The following TENM3 variants were observed in gnomAD, a reference collection of about 807,000 sequenced individuals.
TENM3 encodes the protein teneurin-3.
Under a neutral mutation model 255.1 loss-of-function variants are expected in TENM3, and 63 were observed. That is an observed-to-expected ratio of 0.25 (90% CI 0.20 to 0.30). The LOEUF is 0.30. Among genes scored for constraint, TENM3 ranks in the 10% least tolerant of loss-of-function variants. The pLI is 1.00. For missense variants in TENM3, 2,929 were observed against 3,461.1 expected, an observed-to-expected ratio of 0.85 and a Z score of 3.86; for synonymous variants, 1,306 against 1,322.3, an observed-to-expected ratio of 0.99 and a Z score of 0.27.
intron 18 of TENM3, 76 bp from the exon 19 acceptor site, chr4:182,743,094 A>G (rs1761727098): frequency 4.8e-6 from 7 of 1,448,670 alleles, no homozygotes; most frequent in African/African-American, 2.8e-5. Flanking sequence ...TATAGTTAAA[A>G]CAATCATGAA....
chr4:181,743,794 A>G, the TENM3 span, among the ~76,000 whole-genome samples: 1 of 152,190 alleles, frequency 6.6e-6, no homozygotes, highest in African/African-American at 2.4e-5. Flanking sequence ...GAGAGATGCC[A>G]TAATCTGATG....
At chr4:181,906,255 C>G in the TENM3 span, 1 of 202,186 alleles carries the variant, frequency 4.9e-6, no homozygotes, top group African/African-American at 2.4e-5. Context: ...AGTGAGGAAG[C>G]ACTCCAGTGG....
chr4:181,605,584 G>GAAAGAAAGAAGAAAGAAA, the TENM3 span, among the ~76,000 whole-genome samples: 2 of 69,142 alleles, frequency 2.9e-5, 1 homozygote, highest in Non-Finnish European at 6.0e-5. Flanking sequence ...GAGAAAGAAA[G>GAAAGAAAGAAGAAAGAAA]GAAAGAAAGA....
chr4:182,170,651 A>G (rs571312882), intron 1 of TENM3, among the ~76,000 whole-genome samples: 24 of 152,310 alleles, frequency 1.6e-4, no homozygotes, highest in Non-Finnish European at 3.2e-4. Context: ...TTAGTGTATA[A>G]TTATTACATC....
the TENM3 span, among the ~76,000 whole-genome samples, chr4:181,850,142 C>T: frequency 6.6e-6 from 1 of 151,746 alleles, no homozygotes; most frequent in African/African-American, 2.4e-5. Flanking sequence ...ATTATTTCTT[C>T]CTTGCTGATT....
intron 3 of TENM3, among the ~76,000 whole-genome samples, chr4:182,385,262 CTTTTTTTTTT>C (rs397762118): frequency 8.9e-6 from 1 of 112,102 alleles, no homozygotes; most frequent in Non-Finnish European, 1.7e-5. Flanking sequence ...TATTGTGCGT[CTTTTTTTTTT>C]TTTTTTTTTT....
chr4:181,810,670 G>A, the TENM3 span, among the ~76,000 whole-genome samples: 1 of 152,086 alleles, frequency 6.6e-6, no homozygotes, highest in Non-Finnish European at 1.5e-5. Flanking sequence ...ACAAAATGTA[G>A]ACAGAAAAGA....
intron 1 of TENM3, among the ~76,000 whole-genome samples, chr4:182,176,507 CAT>C (rs1422681483): frequency 9.2e-5 from 14 of 152,246 alleles, no homozygotes; most frequent in East Asian, 3.9e-4. Context: ...GAAATTGAAA[CAT>C]AGAATATTTT....
chr4:182,536,598 G>A (rs1022572281), intron 3 of TENM3, among the ~76,000 whole-genome samples: 3 of 152,184 alleles, frequency 2.0e-5, no homozygotes, highest in African/African-American at 7.2e-5. Context: ...TTGCTGGAAA[G>A]AAATAAGCAG....
chr4:181,525,172 A>T, the TENM3 span, among the ~76,000 whole-genome samples: 1 of 152,098 alleles, frequency 6.6e-6, no homozygotes, highest in African/African-American at 2.4e-5. Flanking sequence ...GCACCTTGGG[A>T]GGCCGAGGCA....
At chr4:181,488,171 G>A in the TENM3 span, among the ~76,000 whole-genome samples, 3 of 152,162 alleles carry the variant, frequency 2.0e-5, no homozygotes, top group African/African-American at 4.8e-5. Flanking sequence ...CCCTGAAATG[G>A]AATAAAAGAT....
At chr4:181,900,867 C>G in the TENM3 span, among the ~76,000 whole-genome samples, 4 of 152,060 alleles carry the variant, frequency 2.6e-5, no homozygotes, top group Non-Finnish European at 5.9e-5. Flanking sequence ...TATTCTCTCT[C>G]AAGTGGCAAA....
intron 1 of TENM3, among the ~76,000 whole-genome samples, chr4:182,275,806 G>A (rs528756308): frequency 6.6e-6 from 1 of 151,986 alleles, no homozygotes; most frequent in Non-Finnish European, 1.5e-5. Flanking sequence ...GCATGGTGCC[G>A]CATGCTTGAA....
chr4:181,567,490 T>C, the TENM3 span, among the ~76,000 whole-genome samples: 7 of 152,182 alleles, frequency 4.6e-5, no homozygotes, highest in African/African-American at 1.4e-4. Flanking sequence ...CACCTTCAAA[T>C]GGATAACCTT....
At chr4:182,237,118 T>C (rs1459658624) in intron 1 of TENM3, among the ~76,000 whole-genome samples, 1 of 152,186 alleles carries the variant, frequency 6.6e-6, no homozygotes, top group Non-Finnish European at 1.5e-5. Context: ...TTTTTGTTCC[T>C]GTGTTAGTTT....
the TENM3 span, among the ~76,000 whole-genome samples, chr4:181,794,644 T>C: frequency 2.0e-5 from 3 of 149,492 alleles, no homozygotes; most frequent in African/African-American, 7.4e-5. Context: ...ATTTCCTTCT[T>C]TTTTAAGGCT....
the TENM3 span, among the ~76,000 whole-genome samples, chr4:181,470,677 G>A: frequency 6.6e-6 from 1 of 151,984 alleles, no homozygotes; most frequent in Non-Finnish European, 1.5e-5. Flanking sequence ...TCTCTCTTCA[G>A]AAATATGTGA....
intron 1 of TENM3, among the ~76,000 whole-genome samples, chr4:182,179,574 T>G (rs183133353): frequency 6.6e-6 from 1 of 152,330 alleles, no homozygotes; most frequent in East Asian, 1.9e-4. Context: ...AACATTTCAT[T>G]CTTACAAAAT....
At chr4:182,055,974 A>C in the TENM3 span, among the ~76,000 whole-genome samples, 1 of 152,194 alleles carries the variant, frequency 6.6e-6, no homozygotes, top group Admixed American at 6.5e-5. Flanking sequence ...AAAGAGTTAA[A>C]AATCGTAGCA....
Sources: gnomAD v4.1 joint callset for allele counts (sites outside exome capture counted in the v4.1 genomes callset) on GRCh38, gnomAD v4.1.1 for gene constraint, MANE v1.5 for transcripts, NCBI Gene and HGNC (gene_info 2026-07-23, HGNC 2026-07-21) for gene names.